Variants in CORO7 observed in about 807,000 individuals in gnomAD.
The protein encoded by CORO7 is coronin 7.
Under a neutral mutation model 126.6 loss-of-function variants are expected in CORO7, and 107 were observed. The observed-to-expected ratio is 0.85, with a 90% confidence interval of 0.72 to 0.99. CORO7 has a LOEUF of 0.99. Ranked by LOEUF, CORO7 falls within the 50% of genes least tolerant of loss-of-function variation. CORO7 has a pLI of 0.00. For missense variants in CORO7, 1,314 were observed against 1,255.8 expected, an observed-to-expected ratio of 1.05 and a Z score of -0.70; for synonymous variants, 603 against 536.8, an observed-to-expected ratio of 1.12 and a Z score of -1.70.
At chr16:4,355,613 C>G in intron 26 of CORO7, 2 of 477,918 alleles carry the variant, frequency 4.2e-6, no homozygotes, top group South Asian at 6.2e-5. Context: ...GGATTACAGG[C>G]GCCCACCACC....
In CORO7 at chr16:4,362,055, C is replaced by T. The variant is rs2054198716; in HGVS notation, c.1508G>A (p.Gly503Asp). The change falls in exon 16 of 28, where the codon GGC becomes GAC. Residue 503 changes from glycine (G) to aspartate (D), a missense_variant. Transcript: ENST00000251166. This position sits in a 1 kb window ranked among gnomAD's most constrained non-coding sequence, Gnocchi z 5.3. ...CACACGCAGCTTGTTGGCACAGAAG[C>T]CGTCACTCTCACCAGGTGTGGTGAG... ...LNLTTPGESD[G>D]FCANKLRVAV... is the part of the protein sequence containing the mutation. 6.2e-7 allele frequency: 1 copy of T among 1,613,052 alleles called. No individual in the cohort carries two copies.
In CORO7 at chr16:4,364,764, G is replaced by C. The variant is rs2054294483; in HGVS notation, c.1044+11C>G. Reference sequence around the variant, plus strand: ...CCAGCCCCCGCAGTCCCTCGCCCAAGTCCCCCTCACCTTGCGGGGCACATG... The same window carrying C: ...CCAGCCCCCGCAGTCCCTCGCCCAACTCCCCCTCACCTTGCGGGGCACATG... On this transcript the variant is annotated intron_variant, in intron 12 of 27. Transcript: ENST00000251166. The C allele has an allele frequency of 6.2e-7, 1 of 1,608,608 alleles. No individual in the cohort carries two copies. Among genetic ancestry groups the C allele is most frequent in the Non-Finnish European group, 8.5e-7 (1 of 1,177,998 alleles).
In CORO7 at chr16:4,360,480, C is replaced by T. The variant is rs2054129862; in HGVS notation, c.1986G>A (p.Arg662=). 1 of 1,612,402 alleles carries T rather than the reference C, an allele frequency of 6.2e-7. No individual in the cohort carries two copies. Residue 662 remains arginine (R), a synonymous_variant, in exon 20 of 28, where the codon CGG becomes CGA. Coordinates refer to ENST00000251166, the MANE Select transcript of CORO7 (RefSeq NM_024535.5). The stretch of plus-strand genomic sequence containing the variant: ...CAGGGCCACTCCGGGGCCTGTAGAC[C>T]CGCACACGCCCATCCTTGCAGACAG... The part of the protein sequence containing the change: ...LATVCKDGRV[R]VYRPRSGPEP...
intron 9 of CORO7, chr16:4,381,928 GCCA>G (rs749626201): frequency 1.9e-6 from 3 of 1,606,916 alleles, no homozygotes. Context: ...TGGCTGCCCA[GCCA>G]CCACCACCAC....
chr16:4,363,071 T>C (rs1204058271), intron 14 of CORO7: 1 of 233,556 alleles, frequency 4.3e-6, no homozygotes, highest in Admixed American at 5.7e-5. Flanking sequence ...GTTTGCCCAA[T>C]TTAGAAAGCA....
At position 4,362,571 on chromosome 16, in the gene CORO7, G is replaced by T; in HGVS notation, c.1402+41C>A. On this transcript the variant is annotated intron_variant, in intron 15 of 27. Coordinates refer to ENST00000251166, the MANE Select transcript of CORO7 (RefSeq NM_024535.5). The surrounding 1 kb of genome is among the most constrained non-coding windows in gnomAD (Gnocchi z 5.3). ...GATGACGGGGAGTGGGGCAGACAGGGCTCCTGCGGTAGGGGTGAGCTCCCC... is the reference window on the plus strand; with the variant it reads ...GATGACGGGGAGTGGGGCAGACAGGTCTCCTGCGGTAGGGGTGAGCTCCCC... The T allele has an allele frequency of 6.6e-7, 1 of 1,511,080 alleles. No individual in the cohort carries two copies. The highest frequency in any genetic ancestry group is 2.5e-5 in the East Asian group (1 of 40,418). The allele number at this position is 1,511,080 out of a possible 1,614,324, so 93.6% of individuals were successfully genotyped here.
intron 9 of CORO7, among the ~76,000 whole-genome samples, chr16:4,373,312 T>A (rs1462692854): frequency 1.3e-5 from 2 of 151,924 alleles, no homozygotes; most frequent in Non-Finnish European, 2.9e-5. Flanking sequence ...GGAGGGAGGA[T>A]GCGCACACAC....
intron 9 of CORO7, chr16:4,371,854 G>A (rs2054539813): frequency 6.6e-6 from 1 of 152,116 alleles, no homozygotes; most frequent in Non-Finnish European, 1.5e-5. Context: ...AGCCGACTCC[G>A]GAGCCCGAGC....
At chr16:4,394,136 C>A (rs1201725787) in intron 7 of CORO7, among the ~76,000 whole-genome samples, 2 of 151,830 alleles carry the variant, frequency 1.3e-5, no homozygotes, top group Non-Finnish European at 2.9e-5. Context: ...CTACTCATCG[C>A]ACTTCCTGCT....
At chr16:4,363,552 A>G (rs1251113211) in intron 14 of CORO7, among the ~76,000 whole-genome samples, 1 of 151,536 alleles carries the variant, frequency 6.6e-6, no homozygotes, top group Non-Finnish European at 1.5e-5. Context: ...TAAAGATACT[A>G]AAGATACAAA....
chr16:4,364,757 C>T lies in CORO7; in HGVS notation c.1044+18G>A, dbSNP rs777302197. On this transcript the variant is annotated intron_variant, in intron 12 of 27. Coordinates refer to ENST00000251166, the MANE Select transcript of CORO7 (RefSeq NM_024535.5). ...CGACTCCCCAGCCCCCGCAGTCCCTCGCCCAAGTCCCCCTCACCTTGCGGG... is the reference window on the plus strand; with the variant it reads ...CGACTCCCCAGCCCCCGCAGTCCCTTGCCCAAGTCCCCCTCACCTTGCGGG... 1.9e-5 allele frequency: 31 copies of T among 1,606,104 alleles called. 1 individual carries two copies. Among genetic ancestry groups the T allele is most frequent in the Admixed American group, 1.8e-4 (11 of 59,508 alleles).
intron 6 of CORO7, among the ~76,000 whole-genome samples, chr16:4,405,215 C>T (rs1015025424): frequency 7.2e-5 from 11 of 152,210 alleles, no homozygotes; most frequent in African/African-American, 1.2e-4. Context: ...ACCAGACAGG[C>T]GGCCAGAGGA....
chr16:4,363,635 C>T (rs901282456), intron 14 of CORO7, among the ~76,000 whole-genome samples: 1 of 151,988 alleles, frequency 6.6e-6, no homozygotes, highest in African/African-American at 2.4e-5. Flanking sequence ...TTGCTTGAAA[C>T]TGGGAGGCGG....
rs113854635 is a variant in CORO7 at position 4,398,526 on chromosome 16, C to T, written c.565-3187G>A. Among the ~76,000 whole-genome samples the T allele has an allele frequency of 5.1e-3, 771 of 152,056 alleles. 6 individuals carry two copies. The highest frequency in any genetic ancestry group is 0.018 in the African/African-American group (734 of 41,478). On this transcript the variant is annotated intron_variant, in intron 6 of 27. Transcript: ENST00000251166. ...ACTAAAAATACAAAAATTAGCCGGG[C>T]GTGGTGGCGTGCACCTGTAATACCA...
At chr16:4,396,080 A>ATT in intron 6 of CORO7, among the ~76,000 whole-genome samples, 1 of 149,258 alleles carries the variant, frequency 6.7e-6, no homozygotes, top group Admixed American at 6.7e-5. Context: ...GGCCATAATA[A>ATT]TTTTTTTTTT....
intron 9 of CORO7, chr16:4,383,054 C>G (rs2055058305): frequency 6.2e-6 from 5 of 803,480 alleles, no homozygotes; most frequent in African/African-American, 1.8e-5. Context: ...CCCTCTGGAC[C>G]TCGGTCTCCT....
intron 7 of CORO7, among the ~76,000 whole-genome samples, chr16:4,389,603 G>C (rs912391549): frequency 6.6e-6 from 1 of 152,196 alleles, no homozygotes; most frequent in African/African-American, 2.4e-5. Context: ...TCCTTCGAGG[G>C]GCTTTTCTCA....
intron 6 of CORO7, among the ~76,000 whole-genome samples, chr16:4,402,803 C>T (rs1254844135): frequency 6.6e-6 from 1 of 152,248 alleles, no homozygotes; most frequent in African/African-American, 2.4e-5. Flanking sequence ...GAGTCAGGAG[C>T]GCAGCAGGCC....
chr16:4,361,192 C>A lies in CORO7; in HGVS notation c.1744G>T (p.Val582Leu), dbSNP rs1036432265. Residue 582 changes from valine (V) to leucine (L), a missense_variant, in exon 18 of 28, where the codon GTG (valine) becomes TTG (leucine). Transcript: ENST00000251166. The stretch of plus-strand genomic sequence containing the variant: ...AGCACAGTCTCTGGCGTGGTGAGCA[C>A]CTCTTCCAGGCCCTCTGCGGGTACC... ...WRVPAEGLEEVLTTPETVLTG... is the reference protein window; with the variant it reads ...WRVPAEGLEELLTTPETVLTG... 1.2e-6 allele frequency: 2 copies of A among 1,612,414 alleles called. No individual in the cohort carries two copies. Among genetic ancestry groups the A allele is most frequent in the African/African-American group, 2.7e-5 (2 of 74,940 alleles).
Sources: gnomAD v4.1 joint callset for allele counts (sites outside exome capture counted in the v4.1 genomes callset) on GRCh38, gnomAD v4.1.1 for gene constraint, Gnocchi (gnomAD v3.1) non-coding constraint, MANE v1.5 for transcripts, NCBI Gene and HGNC (gene_info 2026-07-23, HGNC 2026-07-21) for gene names.